The following SYCE2 variants were observed in gnomAD, a reference collection of about 807,000 sequenced individuals.
SYCE2 encodes synaptonemal complex central element protein 2.
SYCE2 carries 3 observed loss-of-function variants against 27.9 expected under a neutral mutation model. The observed-to-expected ratio is 0.11, with a 90% CI of 0.05 to 0.28. SYCE2 has a LOEUF of 0.28. SYCE2 is among the 10% of genes least tolerant of loss of function. The pLI is 1.00. For missense variants in SYCE2, 207 were observed against 263.5 expected, an observed-to-expected ratio of 0.79 and a Z score of 1.48; for synonymous variants, 85 against 100.7, an observed-to-expected ratio of 0.84 and a Z score of 0.93.
Position 12,900,120 on chromosome 19 carries a change from G to C in SYCE2, c.496C>G (p.Gln166Glu), listed in dbSNP as rs181777132. The C allele has an allele frequency of 5.7e-4, 906 of 1,601,480 alleles. 11 individuals carry two copies. In the East Asian group the frequency reaches 0.02, roughly 35 times the overall value. Residue 166 changes from glutamine (Q) to glutamate (E), a missense_variant and splice_region_variant, in exon 5 of 6, where the codon CAG becomes GAG. By Grantham distance (29) the Gln-to-Glu change is conservative. Transcript: ENST00000293695. The stretch of plus-strand genomic sequence containing the variant: ...GGCCCCCATCTGAGTCTTAGGCTCT[G>C]CTGTAAAAAAGAAACCCAGGTTAGC... ...VYKDLCLQPE[Q>E]SLRLRWGPDH...
chr19:12,913,377 C>T (rs1971081174), intron 2 of SYCE2, among the ~76,000 whole-genome samples: 1 of 152,182 alleles, frequency 6.6e-6, no homozygotes, highest in Non-Finnish European at 1.5e-5. Flanking sequence ...TGGGGCCCTC[C>T]CTCCGTGGCC....
chr19:12,907,340 GCACTCAGGCGC>G (rs1200726680), intron 2 of SYCE2, among the ~76,000 whole-genome samples: 2 of 152,158 alleles, frequency 1.3e-5, no homozygotes, highest in African/African-American at 4.8e-5. Context: ...TCCTACTAAG[GCACTCAGGCGC>G]CACTCCCCTC....
At chr19:12,907,190 C>T (rs887004514) in intron 2 of SYCE2, among the ~76,000 whole-genome samples, 7 of 152,158 alleles carry the variant, frequency 4.6e-5, no homozygotes, top group African/African-American at 9.6e-5. Flanking sequence ...TGCATCCTCA[C>T]GACCACACTC....
At position 12,899,357 on chromosome 19, in the gene SYCE2, C is replaced by G. The variant is rs1599622317; in HGVS notation, c.641G>C (p.Arg214Thr). 3.7e-6 allele frequency: 6 copies of G among 1,614,016 alleles called. No individual in the cohort carries two copies. In the South Asian group the frequency reaches 5.5e-5, roughly 15 times the overall value. The change falls in exon 6 of 6, where the codon AGA (arginine) becomes ACA (threonine). Residue 214 changes from arginine to threonine, a missense_variant. Physicochemically the swap from Arg to Thr is moderately conservative, Grantham distance 71. Transcript: ENST00000293695. The part of the protein sequence containing the change: ...QATASEVQTN[R>T]DGEC ...CGGCAGCTGTCAGCATTCACCATCT[C>G]TGTTGGTCTGTACTTCTGAAGCAGT...
intron 2 of SYCE2, among the ~76,000 whole-genome samples, chr19:12,915,378 A>G (rs1204416384): frequency 1.3e-5 from 2 of 152,088 alleles, no homozygotes; most frequent in African/African-American, 4.8e-5. Flanking sequence ...AGGCGGGCGG[A>G]TCATGAGGTC....
Position 12,900,440 on chromosome 19 carries a change from C to G in SYCE2, c.495+20G>C, listed in dbSNP as rs1306095397. On this transcript the variant is annotated intron_variant, in intron 4 of 5. Transcript: ENST00000293695. ...TGTCCTCTTCCTCAGGCAGCGCCCC[C>G]CCTGTGAGTTTACTCATACCTCAGG... 1 of 1,609,108 alleles carries G rather than the reference C, an allele frequency of 6.2e-7. No homozygotes were observed. The highest frequency in any genetic ancestry group is 1.7e-5 in the Admixed American group (1 of 59,690).
intron 2 of SYCE2, among the ~76,000 whole-genome samples, chr19:12,910,600 T>C (rs527727316): frequency 6.6e-6 from 1 of 152,100 alleles, no homozygotes; most frequent in Admixed American, 6.6e-5. Context: ...CTCAAACTCC[T>C]GACCTCAAGT....
Position 12,900,506 on chromosome 19 carries a change from C to T in SYCE2, c.449G>A (p.Cys150Tyr). Residue 150 changes from cysteine to tyrosine, a missense_variant, in exon 4 of 6, where the codon TGC (cysteine) becomes TAC (tyrosine). Coordinates refer to ENST00000293695, the MANE Select transcript of SYCE2 (RefSeq NM_001105578.2). ...TTTGTACACAGTCTCCACGCTGTGG[C>T]AGACTTGTTTGAGCTCTGTCTCCAA... ...SHLETELKQV[C>Y]HSVETVYKDL... 2.5e-6 allele frequency: 4 copies of T among 1,614,118 alleles called. No homozygotes were observed. Among genetic ancestry groups the T allele is most frequent in the Non-Finnish European group, 3.4e-6 (4 of 1,180,032 alleles).
chr19:12,904,857 T>A, intron 2 of SYCE2, 191 bp from the exon 3 acceptor site: 1 of 533,980 alleles, frequency 1.9e-6, no homozygotes, highest in Non-Finnish European at 3.3e-6. Flanking sequence ...AACAAAAAAT[T>A]AGCCAGGCAC....
chr19:12,916,853 G>A (rs1971147202), intron 2 of SYCE2, among the ~76,000 whole-genome samples: 1 of 151,604 alleles, frequency 6.6e-6, no homozygotes, highest in African/African-American at 2.4e-5. Flanking sequence ...GGGCTCAAGG[G>A]ATCCTCCTGC....
chr19:12,918,666 A>G (rs976375906), intron 1 of SYCE2, among the ~76,000 whole-genome samples: 2 of 152,124 alleles, frequency 1.3e-5, no homozygotes, highest in Non-Finnish European at 2.9e-5. Flanking sequence ...AGGAGAAAAG[A>G]GATGAGGCCG....
chr19:12,908,973 T>G (rs753676868), intron 2 of SYCE2, among the ~76,000 whole-genome samples: 3 of 152,154 alleles, frequency 2.0e-5, no homozygotes, highest in Admixed American at 6.5e-5. Flanking sequence ...CACAGGCTAT[T>G]ATTCTCCAAA....
intron 2 of SYCE2, among the ~76,000 whole-genome samples, chr19:12,917,314 A>G (rs984855604): frequency 1.3e-5 from 2 of 152,106 alleles, no homozygotes; most frequent in Non-Finnish European, 2.9e-5. Context: ...TTGGCCTCCC[A>G]AAGTGCTGGG....
chr19:12,907,617 C>A (rs1353564110), intron 2 of SYCE2, among the ~76,000 whole-genome samples: 8 of 151,704 alleles, frequency 5.3e-5, no homozygotes, highest in Non-Finnish European at 1.2e-4. Context: ...ATGGTGAAAC[C>A]CCGTCTCTAC....
Position 12,900,660 on chromosome 19 carries a change from T to C in SYCE2, c.307-12A>G, listed in dbSNP as rs753010105. The C allele has an allele frequency of 1.9e-6, 3 of 1,608,034 alleles. No homozygotes were observed. Among genetic ancestry groups the C allele is most frequent in the South Asian group, 2.2e-5 (2 of 90,816 alleles). The stretch of plus-strand genomic sequence containing the variant: ...GTCAGATCCGAAACCTGTTAAACAA[T>C]AAGATGTGTTCTCGGAAAATCAAAC... On this transcript the variant is annotated splice_polypyrimidine_tract_variant and intron_variant, in intron 3 of 5. Transcript: ENST00000293695.
At position 12,900,443 on chromosome 19, in the gene SYCE2, T is replaced by A; in HGVS notation, c.495+17A>T. The A allele has an allele frequency of 6.2e-7, 1 of 1,609,288 alleles. No homozygotes were observed. Among genetic ancestry groups the A allele is most frequent in the Admixed American group, 1.7e-5 (1 of 59,686 alleles). ...CCTCTTCCTCAGGCAGCGCCCCCCC[T>A]GTGAGTTTACTCATACCTCAGGCTG... On this transcript the variant is annotated intron_variant, in intron 4 of 5. Transcript: ENST00000293695.
At chr19:12,913,704 G>T (rs1401413271) in intron 2 of SYCE2, among the ~76,000 whole-genome samples, 1 of 152,066 alleles carries the variant, frequency 6.6e-6, no homozygotes, top group African/African-American at 2.4e-5. Context: ...TTTGGCCCAG[G>T]GTTCCTGTGG....
Position 12,918,344 on chromosome 19 carries a change from G to A in SYCE2, c.16-7C>T. On this transcript the variant is annotated splice_polypyrimidine_tract_variant and splice_region_variant and intron_variant, in intron 1 of 5. Coordinates refer to ENST00000293695, the MANE Select transcript of SYCE2 (RefSeq NM_001105578.2). ...TCACATGGGGCACGTCCACCTGCAA[G>A]CACAGTCAGGACGGAGGCCAAGGAG... is the stretch of plus-strand genomic sequence containing the variant. 2 of 1,613,370 alleles carry A rather than the reference G, an allele frequency of 1.2e-6. No homozygotes were observed. Among genetic ancestry groups the A allele is most frequent in the Non-Finnish European group, 1.7e-6 (2 of 1,179,302 alleles).
chr19:12,899,961 C>T, intron 5 of SYCE2, 43 bp downstream of exon 5: 2 of 1,612,086 alleles, frequency 1.2e-6, no homozygotes, highest in South Asian at 1.1e-5. Flanking sequence ...TAAAGACCTG[C>T]ACATCTGACC....
Sources: allele counts gnomAD v4.1 joint callset (sites outside exome capture counted in the v4.1 genomes callset), GRCh38; gene constraint gnomAD v4.1.1; transcripts MANE v1.5; gene names NCBI Gene and HGNC (gene_info 2026-07-23, HGNC 2026-07-21).